The following DOCK4 variants were observed in gnomAD, a reference collection of about 807,000 sequenced individuals.
The protein encoded by DOCK4 is dedicator of cytokinesis protein 4.
In DOCK4, 97 loss-of-function variants were observed where a neutral mutation model predicts 268.1. The ratio of observed to expected loss-of-function variants is 0.36; its 90% CI spans 0.31 to 0.43. The LOEUF (loss-of-function observed/expected upper bound fraction) is 0.43. DOCK4 is among the 20% of genes least tolerant of loss of function. The pLI is 1.00. For synonymous variants in DOCK4, 954 were observed against 887.2 expected, an observed-to-expected ratio of 1.08 and a Z score of -1.34; for missense variants, 2,145 against 2,455.7, an observed-to-expected ratio of 0.87 and a Z score of 2.67.
intron 33 of DOCK4, 55 bp downstream of exon 33, chr7:111,784,042 C>T (rs969661157): frequency 2.3e-5 from 36 of 1,575,556 alleles, no homozygotes; most frequent in Middle Eastern, 1.7e-4. Context: ...CCTTAAATGC[C>T]TTAGCAACCA....
chr7:111,736,846 A>G (rs1795527272), intron 50 of DOCK4, 71 bp downstream of exon 50: 2 of 1,373,946 alleles, frequency 1.5e-6, no homozygotes, highest in African/African-American at 1.4e-5. Context: ...ACAGACACAC[A>G]GAAGACTGGA....
chr7:111,989,109 C>G lies in DOCK4; in HGVS notation c.370G>C (p.Asp124His), dbSNP rs747593034. The G allele has an allele frequency of 6.2e-7, 1 of 1,614,000 alleles. No homozygotes were observed. Among genetic ancestry groups the G allele is most frequent in the Non-Finnish European group, 8.5e-7 (1 of 1,179,890 alleles). Residue 124 changes from aspartate (D) to histidine (H), a missense_variant, in exon 6 of 53, where the codon GAC becomes CAC. Transcript: ENST00000428084. ...CCCACCAGCACCTGCCGCCTCAGGTCCAGGATTTCATTCATGATGTGCCAC... is the reference window on the plus strand; with the variant it reads ...CCCACCAGCACCTGCCGCCTCAGGTGCAGGATTTCATTCATGATGTGCCAC... ...RLWHIMNEILDLRRQVLVGHL... is the reference protein window; with the variant it reads ...RLWHIMNEILHLRRQVLVGHL...
chr7:111,984,517 T>A (rs1273385469), intron 6 of DOCK4, 127 bp from the exon 7 acceptor site: 3 of 739,228 alleles, frequency 4.1e-6, no homozygotes, highest in Non-Finnish European at 6.7e-6. Context: ...TCACCTTGTA[T>A]GACTTGTTAC....
At chr7:111,892,358 G>A (rs574588433) in intron 16 of DOCK4, among the ~76,000 whole-genome samples, 5 of 152,186 alleles carry the variant, frequency 3.3e-5, no homozygotes, top group Admixed American at 2.0e-4. Flanking sequence ...CCATGACCAC[G>A]CTGGACTAAC....
At chr7:112,094,633 T>C (rs1809940442) in intron 1 of DOCK4, among the ~76,000 whole-genome samples, 1 of 152,128 alleles carries the variant, frequency 6.6e-6, no homozygotes, top group African/African-American at 2.4e-5. Context: ...AAACTGAAAA[T>C]TGACCATAGC....
intron 1 of DOCK4, among the ~76,000 whole-genome samples, chr7:112,084,683 G>A (rs1054254486): frequency 2.0e-5 from 3 of 152,046 alleles, no homozygotes; most frequent in East Asian, 1.9e-4. Flanking sequence ...TAATGAAAAC[G>A]AAAGAAAATC....
At chr7:111,934,961 C>G (rs1205267081) in intron 12 of DOCK4, among the ~76,000 whole-genome samples, 1 of 143,144 alleles carries the variant, frequency 7.0e-6, no homozygotes, top group Non-Finnish European at 1.5e-5. Context: ...TTTTTTTTTT[C>G]TTTGAGACAG....
chr7:111,916,177 C>T (rs1351169628), intron 12 of DOCK4, among the ~76,000 whole-genome samples: 1 of 152,148 alleles, frequency 6.6e-6, no homozygotes, highest in Non-Finnish European at 1.5e-5. Context: ...CCAAATCTCT[C>T]CTCCAACCCT....
At chr7:112,167,614 G>A (rs934676294) in intron 1 of DOCK4, among the ~76,000 whole-genome samples, 6 of 152,164 alleles carry the variant, frequency 3.9e-5, no homozygotes, top group African/African-American at 1.4e-4. Flanking sequence ...CTTATTTTAA[G>A]AATTGATCAT....
intron 6 of DOCK4, 39 bp from the exon 7 acceptor site, chr7:111,984,429 C>A: frequency 6.4e-7 from 1 of 1,554,420 alleles, no homozygotes; most frequent in South Asian, 1.2e-5. Flanking sequence ...GAAAAGTTAC[C>A]TCCATGAAAT....
chr7:111,809,593 T>A (rs1218351126), intron 28 of DOCK4, among the ~76,000 whole-genome samples, 192 bp from the exon 29 acceptor site: 1 of 152,210 alleles, frequency 6.6e-6, no homozygotes, highest in African/African-American at 2.4e-5. Context: ...TCTCTACTTG[T>A]ACATATGCTT....
rs367920921 is a variant in DOCK4, at chr7:111,739,327, C to T, written c.5122+69G>A. On this transcript the variant is annotated intron_variant, in intron 48 of 52. Coordinates refer to ENST00000428084, the MANE Select transcript of DOCK4 (RefSeq NM_001363540.2). Reference sequence around the variant, plus strand: ...AGGCGAGAGCCTGAACGTGTGGCAGCTGGCCACAGTTCCCAGGACTAGAAG... The same window carrying T: ...AGGCGAGAGCCTGAACGTGTGGCAGTTGGCCACAGTTCCCAGGACTAGAAG... 1.4e-5 allele frequency: 23 copies of T among 1,588,762 alleles called. No homozygotes were observed. The African/African-American group carries it at 2.0e-4, about 14-fold the overall frequency.
rs1025502886 is a variant in DOCK4, at chr7:111,857,746, C to T, written c.2473+5626G>A. 2.0e-5 allele frequency among the ~76,000 whole-genome samples: 3 copies of T among 151,684 alleles called. No individual in the cohort carries two copies. The East Asian group carries it at 5.8e-4, about 29-fold the overall frequency. ...CTGTTCCTGACCTCTCGCTATCACG[C>T]CCTAAACTATGTCTCTGCTACCCGC... On this transcript the variant is annotated intron_variant, in intron 23 of 52. Coordinates refer to ENST00000428084, the MANE Select transcript of DOCK4 (RefSeq NM_001363540.2).
chr7:111,855,694 A>C (rs756920311), intron 23 of DOCK4, among the ~76,000 whole-genome samples: 5 of 152,164 alleles, frequency 3.3e-5, no homozygotes, highest in Non-Finnish European at 5.9e-5. Flanking sequence ...TCCCTGCTAC[A>C]TGGCACCCTG....
chr7:111,874,892 T>C lies in DOCK4; in HGVS notation c.1744+2138A>G, dbSNP rs562799969. 3.3e-5 allele frequency among the ~76,000 whole-genome samples: 5 copies of C among 152,352 alleles called. No individual in the cohort carries two copies. In the South Asian group the frequency reaches 1.0e-3, roughly 32 times the overall value. ...AATTCTGAAATGCAAATTTGCTCTATGAAACTGCTCCTAGAGACCATATCA... is the reference window on the plus strand; with the variant it reads ...AATTCTGAAATGCAAATTTGCTCTACGAAACTGCTCCTAGAGACCATATCA... On this transcript the variant is annotated intron_variant, in intron 17 of 52. Transcript: ENST00000428084.
chr7:111,968,925 T>C (rs1407777617), intron 8 of DOCK4, among the ~76,000 whole-genome samples: 2 of 81,046 alleles, frequency 2.5e-5, no homozygotes, highest in Non-Finnish European at 2.3e-5. Context: ...ATGGATGAAA[T>C]TGGAAACCAT....
chr7:111,808,862 A>G lies in DOCK4; in HGVS notation c.3125T>C (p.Val1042Ala). The G allele has an allele frequency of 6.2e-7, 1 of 1,613,224 alleles. No homozygotes were observed. Among genetic ancestry groups the G allele is most frequent in the Non-Finnish European group, 8.5e-7 (1 of 1,179,610 alleles). Residue 1042 changes from valine (V) to alanine (A), a missense_variant, in exon 30 of 53, where the codon GTA (valine) becomes GCA (alanine). Physicochemically the swap from Val to Ala is moderately conservative, Grantham distance 64. Coordinates refer to ENST00000428084, the MANE Select transcript of DOCK4 (RefSeq NM_001363540.2). ...GCTGAAAATTTCACAACCCATTGTT[A>G]CCCGCATGTCACCATACCTGAAATA... ...KVLEKYGDMR[V>A]TMGCEIFSMW...
intron 13 of DOCK4, among the ~76,000 whole-genome samples, chr7:111,909,901 G>C (rs768321194): frequency 6.6e-6 from 1 of 151,484 alleles, no homozygotes; most frequent in East Asian, 1.9e-4. Flanking sequence ...GGCTGAGACT[G>C]TAGTGAGCCA....
At chr7:112,014,199 C>T (rs1342286692) in intron 1 of DOCK4, among the ~76,000 whole-genome samples, 1 of 152,082 alleles carries the variant, frequency 6.6e-6, no homozygotes, top group Non-Finnish European at 1.5e-5. Context: ...AAACACAGTT[C>T]AGAATGTGTA....
Sources: gnomAD v4.1 joint callset for allele counts (sites outside exome capture counted in the v4.1 genomes callset) on GRCh38, gnomAD v4.1.1 for gene constraint, MANE v1.5 for transcripts, NCBI Gene and HGNC (gene_info 2026-07-23, HGNC 2026-07-21) for gene names.